The following SLC9A9 variants were observed in gnomAD, a reference collection of about 807,000 sequenced individuals.
SLC9A9 encodes the protein sodium/hydrogen exchanger 9.
A neutral mutation model predicts 77.8 loss-of-function variants in SLC9A9; 62 were observed. The ratio of observed to expected loss-of-function variants is 0.80; its 90% CI spans 0.65 to 0.98. The LOEUF is 0.98. SLC9A9 is among the 50% of genes least tolerant of loss of function. SLC9A9 has a pLI of 0.00. For synonymous variants in SLC9A9, 320 were observed against 283.5 expected (o/e 1.13, Z -1.29); for missense variants, 775 against 774.9 (o/e 1.00, Z 0.00).
At chr3:143,615,292 C>T (rs1491001904) in intron 6 of SLC9A9, among the ~76,000 whole-genome samples, 1 of 152,192 alleles carries the variant, frequency 6.6e-6, no homozygotes, top group African/African-American at 2.4e-5. Flanking sequence ...ACAACAAAGC[C>T]TATCCTTCCA....
intron 9 of SLC9A9, among the ~76,000 whole-genome samples, chr3:143,499,493 G>A (rs1481689334): frequency 6.6e-6 from 1 of 151,998 alleles, no homozygotes; most frequent in South Asian, 2.1e-4. Flanking sequence ...AGTATTCAGG[G>A]CCTTAGTAAA....
intron 4 of SLC9A9, among the ~76,000 whole-genome samples, chr3:143,734,575 A>G (rs1213601172): frequency 1.3e-5 from 2 of 151,854 alleles, no homozygotes; most frequent in African/African-American, 4.8e-5. Context: ...CTCTACTAAA[A>G]TACAAAAAAT....
intron 4 of SLC9A9, among the ~76,000 whole-genome samples, chr3:143,696,631 T>C (rs758783073): frequency 6.6e-6 from 1 of 152,200 alleles, no homozygotes; most frequent in African/African-American, 2.4e-5. Context: ...GTTCAAATAT[T>C]GAATATCAAT....
At chr3:143,549,315 T>C (rs1480260484) in intron 9 of SLC9A9, among the ~76,000 whole-genome samples, 1 of 152,188 alleles carries the variant, frequency 6.6e-6, no homozygotes, top group Non-Finnish European at 1.5e-5. Context: ...TACTACAGTA[T>C]GGGATGTGCA....
chr3:143,817,670 A>G (rs6773298), intron 2 of SLC9A9, among the ~76,000 whole-genome samples: 40,083 of 152,048 alleles, frequency 0.26, 5,293 homozygotes, highest in South Asian at 0.35. Context: ...TTGATAGCCA[A>G]TTGTCCTAGG....
chr3:143,812,237 C>G (rs1235555631), intron 2 of SLC9A9, among the ~76,000 whole-genome samples: 1 of 152,214 alleles, frequency 6.6e-6, no homozygotes, highest in Non-Finnish European at 1.5e-5. Flanking sequence ...TTTGATTCAG[C>G]AACACCTCAC....
At chr3:143,845,324 C>T (rs1995530) in intron 1 of SLC9A9, among the ~76,000 whole-genome samples, 137,413 of 152,216 alleles carry the variant, frequency 0.9, 62,931 homozygotes, top group South Asian at 0.99. Context: ...CACTTGGCAT[C>T]TCCTTTCCCC....
chr3:143,836,081 T>C (rs374438341), intron 1 of SLC9A9, among the ~76,000 whole-genome samples: 22 of 152,220 alleles, frequency 1.4e-4, no homozygotes, highest in African/African-American at 5.1e-4. Context: ...ACAGAAAGCA[T>C]GGACAATGGA....
intron 13 of SLC9A9, among the ~76,000 whole-genome samples, chr3:143,376,125 A>G (rs1385738164): frequency 1.8e-4 from 27 of 152,160 alleles, no homozygotes; most frequent in Admixed American, 1.8e-3. Flanking sequence ...AAGACCTCCT[A>G]GACAACGGGC....
chr3:143,806,089 C>T (rs547891847), intron 2 of SLC9A9, among the ~76,000 whole-genome samples: 2 of 150,332 alleles, frequency 1.3e-5, no homozygotes, highest in East Asian at 2.0e-4. Context: ...TCCCACATCC[C>T]CTACCCCCCG....
intron 4 of SLC9A9, among the ~76,000 whole-genome samples, chr3:143,714,583 T>C (rs116105620): frequency 0.034 from 5,227 of 152,274 alleles, 290 homozygotes; most frequent in African/African-American, 0.12. Context: ...GACCATATAT[T>C]TCCATGCTCA....
At chr3:143,510,928 T>C (rs932794815) in intron 9 of SLC9A9, among the ~76,000 whole-genome samples, 1 of 152,218 alleles carries the variant, frequency 6.6e-6, no homozygotes, top group Non-Finnish European at 1.5e-5. Context: ...ACCAAATTTT[T>C]GACCATCAAT....
At chr3:143,367,836 C>T (rs1001820653) in intron 13 of SLC9A9, among the ~76,000 whole-genome samples, 5 of 152,116 alleles carry the variant, frequency 3.3e-5, no homozygotes, top group Non-Finnish European at 7.4e-5. Flanking sequence ...TCTTCTCTTT[C>T]GAGGATCTTT....
intron 14 of SLC9A9, among the ~76,000 whole-genome samples, chr3:143,346,108 CACAG>C (rs1211714497): frequency 6.6e-6 from 1 of 152,150 alleles, no homozygotes; most frequent in Non-Finnish European, 1.5e-5. Context: ...AGGGCCCAAG[CACAG>C]ACAAACCCAG....
At chr3:143,477,055 C>G (rs17639455) in intron 11 of SLC9A9, among the ~76,000 whole-genome samples, 3,246 of 152,212 alleles carry the variant, frequency 0.021, 53 homozygotes, top group Non-Finnish European at 0.028. Flanking sequence ...GCAAATATGG[C>G]TATCTATCCA....
At chr3:143,746,821 T>G (rs1453024984) in intron 4 of SLC9A9, among the ~76,000 whole-genome samples, 2 of 152,222 alleles carry the variant, frequency 1.3e-5, no homozygotes, top group African/African-American at 4.8e-5. Flanking sequence ...TGCTATCAGC[T>G]TTCCTCCTTA....
intron 12 of SLC9A9, among the ~76,000 whole-genome samples, chr3:143,388,197 G>A (rs182714170): frequency 6.6e-6 from 1 of 152,204 alleles, no homozygotes; most frequent in Admixed American, 6.5e-5. Context: ...AATATCACTT[G>A]GGGGCCAACA....
chr3:143,574,189 G>C lies in SLC9A9; in HGVS notation c.899C>G (p.Thr300Ser), dbSNP rs2037317971. 6.2e-7 allele frequency: 1 copy of C among 1,612,438 alleles called. No individual in the cohort carries two copies. The highest frequency in any genetic ancestry group is 1.3e-5 in the African/African-American group (1 of 74,844). Residue 300 changes from threonine (T) to serine (S), a missense_variant, in exon 8 of 16, where the codon ACC becomes AGC. Coordinates refer to ENST00000316549, the MANE Select transcript of SLC9A9 (RefSeq NM_173653.4). ...SAYAIITALL[T>S]KFTKLCEFPM... ...GAACTCACACAGCTTGGTAAATTTG[G>C]TCAAGTGAGGAAGATAAGTTAAGGG...
At chr3:143,834,797 G>A (rs1259852359) in intron 1 of SLC9A9, among the ~76,000 whole-genome samples, 2 of 152,128 alleles carry the variant, frequency 1.3e-5, no homozygotes, top group African/African-American at 2.4e-5. Flanking sequence ...GCACATTGAA[G>A]TGAACAGAGG....
Sources: allele counts gnomAD v4.1 joint callset (sites outside exome capture counted in the v4.1 genomes callset), GRCh38; gene constraint gnomAD v4.1.1; transcripts MANE v1.5; gene names NCBI Gene and HGNC (gene_info 2026-07-23, HGNC 2026-07-21).